FRAS1: variants seen among roughly 807,000 people sequenced by gnomAD.
FRAS1 encodes Fraser extracellular matrix complex subunit 1, also known as extracellular matrix organizing protein FRAS1.
In FRAS1, 290 loss-of-function variants were observed where a neutral mutation model predicts 435.2. The ratio of observed to expected loss-of-function variants is 0.67; its 90% CI spans 0.61 to 0.73. The LOEUF is 0.73. Ranked by LOEUF, FRAS1 falls within the 30% of genes least tolerant of loss-of-function variation. The pLI is 0.00. For missense variants in FRAS1, 4,860 were observed against 5,001.5 expected (o/e 0.97, Z 0.85); for synonymous variants, 1,800 against 1,851.0 (o/e 0.97, Z 0.71).
At chr4:78,172,273 G>T (rs1721592086) in intron 2 of FRAS1, among the ~76,000 whole-genome samples, 1 of 152,108 alleles carries the variant, frequency 6.6e-6, no homozygotes, top group African/African-American at 2.4e-5. Context: ...TGTAGTTATT[G>T]GTTTTAATGA....
At chr4:78,505,764 T>A (rs906297883) in intron 61 of FRAS1, among the ~76,000 whole-genome samples, 6 of 152,218 alleles carry the variant, frequency 3.9e-5, no homozygotes, top group Admixed American at 3.9e-4. Flanking sequence ...TCCATCTTTG[T>A]TCCGTTGCTG....
At chr4:78,334,175 T>C (rs1188760558) in intron 19 of FRAS1, among the ~76,000 whole-genome samples, 1 of 152,064 alleles carries the variant, frequency 6.6e-6, no homozygotes, top group East Asian at 1.9e-4. Context: ...AAGTTCAGAA[T>C]AGGAAAAATA....
chr4:78,075,612 G>T (rs1310736616), intron 2 of FRAS1, among the ~76,000 whole-genome samples: 1 of 152,184 alleles, frequency 6.6e-6, no homozygotes, highest in East Asian at 1.9e-4. Context: ...TCACTACTGT[G>T]TGACTCTGGG....
In FRAS1 at chr4:78,108,941, C is replaced by G. The variant is rs1355333402; in HGVS notation, c.108+42925C>G. On this transcript the variant is annotated intron_variant, in intron 2 of 73. Coordinates refer to ENST00000512123, the MANE Select transcript of FRAS1 (RefSeq NM_025074.7). ...TATCACCACCGATCCCACAGAAATA[C>G]AAACTACCATCAGAGAATACTACAA... 1.3e-4 allele frequency among the ~76,000 whole-genome samples: 13 copies of G among 102,862 alleles called. 1 individual carries two copies. Among genetic ancestry groups the G allele is most frequent in the Non-Finnish European group, 1.9e-5 (1 of 51,684 alleles). 67.5% of individuals were successfully genotyped at this position (102,862 alleles called of 152,430 possible). A position where few individuals can be genotyped will look rare whatever the true frequency, so the allele number is the denominator to read the frequency against.
At chr4:78,176,055 A>G (rs1261664825) in intron 2 of FRAS1, among the ~76,000 whole-genome samples, 1 of 152,238 alleles carries the variant, frequency 6.6e-6, no homozygotes, top group Non-Finnish European at 1.5e-5. Flanking sequence ...TACTTTGACT[A>G]TCAGGGGAAT....
Position 78,315,639 on chromosome 4 carries a change from G to A in FRAS1, c.1724G>A (p.Cys575Tyr), listed in dbSNP as rs1131691462. Residue 575 changes from cysteine (C) to tyrosine (Y), a missense_variant, in exon 16 of 74, where the codon TGT becomes TAT. Physicochemically the swap from Cys to Tyr is radical, Grantham distance 194. Coordinates refer to ENST00000512123, the MANE Select transcript of FRAS1 (RefSeq NM_025074.7). The stretch of plus-strand genomic sequence containing the variant: ...AGTTGTGGCCCCAGTAGCCCCAGGT[G>A]TCTTACCTGTACTGAGAAGACAGTG... ...CDSCGPSSPR[C>Y]LTCTEKTVLH... The A allele has an allele frequency of 2.5e-6, 4 of 1,613,748 alleles. No homozygotes were observed. Among genetic ancestry groups the A allele is most frequent in the Non-Finnish European group, 3.4e-6 (4 of 1,179,834 alleles).
rs1443562198 is a variant in FRAS1 at position 78,197,757 on chromosome 4, C to T, written c.109-39753C>T. ...GAGATCGAGACCATCCTGGCTAACA[C>T]GGTGAAACCCCATCTCTACTAAAAA... On this transcript the variant is annotated intron_variant, in intron 2 of 73. Coordinates refer to ENST00000512123, the MANE Select transcript of FRAS1 (RefSeq NM_025074.7). Among the ~76,000 whole-genome samples the T allele has an allele frequency of 2.6e-5, 4 of 151,880 alleles. 1 individual carries two copies. The South Asian group carries it at 6.2e-4, about 24-fold the overall frequency.
intron 2 of FRAS1, chr4:78,070,718 T>C (rs1182286163): frequency 1.3e-5 from 2 of 152,214 alleles, no homozygotes; most frequent in East Asian, 3.8e-4. Flanking sequence ...TCACACACCT[T>C]CTGTTCTTTT....
chr4:78,482,303 G>C, intron 57 of FRAS1, 85 bp from the exon 58 acceptor site: 1 of 1,472,630 alleles, frequency 6.8e-7, no homozygotes, highest in South Asian at 1.2e-5. Context: ...CCAAAGACAG[G>C]CAAGTTGTGA....
chr4:78,240,911 A>G (rs1190984907), intron 3 of FRAS1, among the ~76,000 whole-genome samples: 1 of 152,198 alleles, frequency 6.6e-6, no homozygotes, highest in Non-Finnish European at 1.5e-5. Context: ...AGGAGAGTAG[A>G]AGATGCCCAG....
At chr4:78,214,858 A>G (rs924963001) in intron 2 of FRAS1, among the ~76,000 whole-genome samples, 4 of 152,166 alleles carry the variant, frequency 2.6e-5, no homozygotes, top group African/African-American at 7.2e-5. Context: ...GGCCCTTGTC[A>G]TGGAATTAGG....
chr4:78,121,560 A>G (rs935743199), intron 2 of FRAS1, among the ~76,000 whole-genome samples: 8 of 152,174 alleles, frequency 5.3e-5, no homozygotes, highest in Non-Finnish European at 1.2e-4. Context: ...AAAGCACTTA[A>G]TATAGTGCAG....
chr4:78,120,301 G>A (rs28479828), intron 2 of FRAS1, among the ~76,000 whole-genome samples: 33,009 of 152,126 alleles, frequency 0.22, 3,938 homozygotes, highest in Admixed American at 0.29. Context: ...AGCAGGGCAA[G>A]AATCATCCTC....
At chr4:78,094,576 T>C (rs1317275414) in intron 2 of FRAS1, among the ~76,000 whole-genome samples, 1 of 152,122 alleles carries the variant, frequency 6.6e-6, no homozygotes, top group Non-Finnish European at 1.5e-5. Context: ...ATATACTATG[T>C]TGTAGAAACT....
At position 78,317,479 on chromosome 4, in the gene FRAS1, G is replaced by A; in HGVS notation, c.1931G>A (p.Gly644Asp). ...QGHCLPRCGEGFYSDHGVCKA... is the reference protein window; with the variant it reads ...QGHCLPRCGEDFYSDHGVCKA... Reference sequence around the variant, plus strand: ...CACTGTCTGCCCCGCTGTGGAGAGGGTTTCTACTCTGACCATGGAGTCTGC... The same window carrying A: ...CACTGTCTGCCCCGCTGTGGAGAGGATTTCTACTCTGACCATGGAGTCTGC... Residue 644 changes from glycine to aspartate, a missense_variant, in exon 17 of 74, where the codon GGT becomes GAT. Coordinates refer to ENST00000512123, the MANE Select transcript of FRAS1 (RefSeq NM_025074.7). The A allele has an allele frequency of 6.2e-7, 1 of 1,613,770 alleles. No homozygotes were observed. The highest frequency in any genetic ancestry group is 8.5e-7 in the Non-Finnish European group (1 of 1,179,794).
At chr4:78,162,209 CAT>C (rs1721171270) in intron 2 of FRAS1, among the ~76,000 whole-genome samples, 2 of 152,104 alleles carry the variant, frequency 1.3e-5, no homozygotes, top group South Asian at 2.1e-4. Flanking sequence ...AGGGAGGAAA[CAT>C]AGATTTTATT....
At chr4:78,144,357 C>T (rs113334244) in intron 2 of FRAS1, among the ~76,000 whole-genome samples, 40 of 152,146 alleles carry the variant, frequency 2.6e-4, no homozygotes, top group African/African-American at 9.1e-4. Context: ...TGGAGAATTA[C>T]TGTTTGGACC....
chr4:78,324,442 G>C (rs1404448069), intron 18 of FRAS1, among the ~76,000 whole-genome samples: 3 of 151,810 alleles, frequency 2.0e-5, no homozygotes, highest in African/African-American at 7.3e-5. Flanking sequence ...CATAAATTCT[G>C]ACAGTTGTTT....
intron 67 of FRAS1, among the ~76,000 whole-genome samples, chr4:78,521,124 A>G (rs1181059261): frequency 6.6e-6 from 1 of 152,202 alleles, no homozygotes; most frequent in African/African-American, 2.4e-5. Flanking sequence ...GACTTTGTTT[A>G]TACCTCTGTT....
Sources: gnomAD v4.1 joint callset for allele counts (sites outside exome capture counted in the v4.1 genomes callset) on GRCh38, gnomAD v4.1.1 for gene constraint, MANE v1.5 for transcripts, NCBI Gene and HGNC (gene_info 2026-07-23, HGNC 2026-07-21) for gene names.